The following CPNE4 variants were observed in gnomAD, a reference collection of about 807,000 sequenced individuals.
CPNE4 encodes the protein copine 4, also known as copine-4.
A neutral mutation model predicts 67.9 loss-of-function variants in CPNE4; 25 were observed. The ratio of observed to expected loss-of-function variants is 0.37; its 90% confidence interval spans 0.27 to 0.51. The LOEUF (loss-of-function observed/expected upper bound fraction) is 0.51, where lower values mean the gene tolerates loss of function less well. CPNE4 is among the 20% of genes least tolerant of loss of function. The pLI is 0.93. For synonymous variants in CPNE4, 242 were observed against 244.9 expected (o/e 0.99, Z 0.11); for missense variants, 464 against 690.8 (o/e 0.67, Z 3.68).
chr3:131,843,124 A>G (rs188831646), intron 2 of CPNE4, among the ~76,000 whole-genome samples: 47 of 152,312 alleles, frequency 3.1e-4, no homozygotes, highest in African/African-American at 1.1e-3. Flanking sequence ...CACTGAGCAA[A>G]TGCTAAATGA....
intron 14 of CPNE4, among the ~76,000 whole-genome samples, chr3:131,543,833 C>G (rs1242813322): frequency 6.6e-6 from 1 of 152,220 alleles, no homozygotes; most frequent in African/African-American, 2.4e-5. Flanking sequence ...GGTGGCAGCT[C>G]TTCTCCAGGC....
rs143560742 is a variant in CPNE4 at position 131,577,651 on chromosome 3, A to T, written c.868-2521T>A. 9.3e-4 allele frequency among the ~76,000 whole-genome samples: 141 copies of T among 152,298 alleles called. 1 individual carries two copies. The highest frequency in any genetic ancestry group is 3.3e-3 in the African/African-American group (136 of 41,570). On this transcript the variant is annotated intron_variant, in intron 9 of 15. Coordinates refer to ENST00000429747, the MANE Select transcript of CPNE4 (RefSeq NM_130808.3). Reference sequence around the variant, plus strand: ...AGTTACCATGAATGGAGCCTGCAGGACTAGAAGTTGCTCTGAGTGAGTCAG... The same window carrying T: ...AGTTACCATGAATGGAGCCTGCAGGTCTAGAAGTTGCTCTGAGTGAGTCAG...
At chr3:131,808,121 G>A (rs1295347125) in intron 2 of CPNE4, among the ~76,000 whole-genome samples, 2 of 152,136 alleles carry the variant, frequency 1.3e-5, no homozygotes, top group African/African-American at 4.8e-5. Context: ...AATTTAAGAG[G>A]CATGTCCACT....
At chr3:132,032,879 A>C (rs2074265756) in intron 1 of CPNE4, among the ~76,000 whole-genome samples, 1 of 152,252 alleles carries the variant, frequency 6.6e-6, no homozygotes, top group African/African-American at 2.4e-5. Context: ...AAGGGCATCA[A>C]ATTAAGTTTT....
At chr3:131,626,597 A>G (rs1335062671) in intron 7 of CPNE4, among the ~76,000 whole-genome samples, 1 of 152,240 alleles carries the variant, frequency 6.6e-6, no homozygotes, top group African/African-American at 2.4e-5. Flanking sequence ...GGTTTAAGGA[A>G]AGAAGCTGTC....
intron 7 of CPNE4, among the ~76,000 whole-genome samples, chr3:131,613,367 A>G (rs1939957254): frequency 6.6e-6 from 1 of 152,138 alleles, no homozygotes; most frequent in African/African-American, 2.4e-5. Context: ...GGTAGCAGGT[A>G]CCAAAGTCTT....
chr3:131,657,031 A>G (rs2079989747), intron 7 of CPNE4, among the ~76,000 whole-genome samples: 1 of 152,202 alleles, frequency 6.6e-6, no homozygotes, highest in Non-Finnish European at 1.5e-5. Flanking sequence ...AGCCCTTTCA[A>G]TGCCATACTT....
intron 2 of CPNE4, among the ~76,000 whole-genome samples, chr3:131,795,225 C>G (rs1401753743): frequency 6.6e-6 from 1 of 152,120 alleles, no homozygotes; most frequent in African/African-American, 2.4e-5. Context: ...TAGACACCGC[C>G]TATAGGGCAA....
chr3:131,689,152 T>C (rs1409596532), intron 5 of CPNE4, among the ~76,000 whole-genome samples: 1 of 152,166 alleles, frequency 6.6e-6, no homozygotes, highest in South Asian at 2.1e-4. Flanking sequence ...CCACATATAA[T>C]CTGAATAACT....
At chr3:131,972,290 A>G (rs1363138057) in intron 1 of CPNE4, among the ~76,000 whole-genome samples, 6 of 152,202 alleles carry the variant, frequency 3.9e-5, no homozygotes, top group African/African-American at 1.4e-4. Context: ...CTTCTGTATG[A>G]CTGAAAGTCT....
chr3:131,956,028 A>T (rs868634097), intron 1 of CPNE4, among the ~76,000 whole-genome samples: 2 of 152,216 alleles, frequency 1.3e-5, no homozygotes, highest in Admixed American at 6.5e-5. Flanking sequence ...ATAGATAGAT[A>T]GATATTGATA....
At chr3:131,775,477 C>T (rs536887088) in intron 2 of CPNE4, among the ~76,000 whole-genome samples, 1 of 152,156 alleles carries the variant, frequency 6.6e-6, no homozygotes, top group Admixed American at 6.5e-5. Context: ...TTGTAGCTCC[C>T]ACAATTCCCA....
intron 1 of CPNE4, among the ~76,000 whole-genome samples, chr3:132,003,609 C>G (rs2073512007): frequency 6.6e-6 from 1 of 151,950 alleles, no homozygotes; most frequent in African/African-American, 2.4e-5. Flanking sequence ...CTCACCCTGG[C>G]TCTACAATGG....
rs761978890 is a variant in CPNE4 at position 131,801,452 on chromosome 3, G to GTGTGTGTATA, written c.181-77828_181-77827insTATACACACA. ...TGTGTGTGTGTGTGTGTGTGTGTGT[G>GTGTGTGTATA]TATATATATATATATATATATATAT... On this transcript the variant is annotated intron_variant, in intron 2 of 15. Transcript: ENST00000429747. Among the ~76,000 whole-genome samples, 282 of 53,322 alleles carry GTGTGTGTATA rather than the reference G, an allele frequency of 5.3e-3. 2 individuals carry two copies. The highest frequency in any genetic ancestry group is 6.8e-3 in the Non-Finnish European group (201 of 29,412). 35.0% of individuals were successfully genotyped at this position (53,322 alleles called of 152,430 possible). A position where few individuals can be genotyped will look rare whatever the true frequency, so the allele number is the denominator to read the frequency against.
chr3:131,674,735 A>G (rs892452876), intron 6 of CPNE4, among the ~76,000 whole-genome samples: 1 of 150,534 alleles, frequency 6.6e-6, no homozygotes, highest in Non-Finnish European at 1.5e-5. Context: ...AGTTTTATCA[A>G]TTTTCTTTAT....
chr3:131,996,375 G>A (rs1198423847), intron 1 of CPNE4, among the ~76,000 whole-genome samples: 7 of 152,034 alleles, frequency 4.6e-5, no homozygotes, highest in African/African-American at 1.7e-4. Context: ...AGAAAAGCTG[G>A]AGATGAAAAA....
chr3:131,696,535 G>T lies in CPNE4; in HGVS notation c.507+7C>A. On this transcript the variant is annotated splice_region_variant and intron_variant, in intron 5 of 15. Coordinates refer to ENST00000429747, the MANE Select transcript of CPNE4 (RefSeq NM_130808.3). Reference sequence around the variant, plus strand: ...TCCTTCAATAAGGTTAATGCCAAACGCTTTACCTTGTCATCCAATTTCCGT... The same window carrying T: ...TCCTTCAATAAGGTTAATGCCAAACTCTTTACCTTGTCATCCAATTTCCGT... 1 of 1,612,174 alleles carries T rather than the reference G, an allele frequency of 6.2e-7. No individual in the cohort carries two copies.
At chr3:131,748,606 AT>A (rs2082549627) in intron 2 of CPNE4, among the ~76,000 whole-genome samples, 1 of 151,972 alleles carries the variant, frequency 6.6e-6, no homozygotes, top group Admixed American at 6.6e-5. Flanking sequence ...AATTTCCTTA[AT>A]TGTTATAGGA....
intron 2 of CPNE4, among the ~76,000 whole-genome samples, chr3:131,742,278 G>A (rs1256195130): frequency 6.6e-6 from 1 of 152,156 alleles, no homozygotes; most frequent in South Asian, 2.1e-4. Context: ...CTCTCTGCCT[G>A]TCTTCAATCT....
Sources: gnomAD v4.1 joint callset for allele counts (sites outside exome capture counted in the v4.1 genomes callset) on GRCh38, gnomAD v4.1.1 for gene constraint, MANE v1.5 for transcripts, NCBI Gene and HGNC (gene_info 2026-07-23, HGNC 2026-07-21) for gene names.